Variants in PCDH12 observed in about 807,000 individuals in gnomAD.
PCDH12 encodes the protein protocadherin 12.
PCDH12 carries 45 observed loss-of-function variants against 70.9 expected under a neutral mutation model. That is an observed-to-expected ratio of 0.63 (90% CI 0.50 to 0.81). PCDH12 has a LOEUF of 0.81. Among genes scored for constraint, PCDH12 ranks in the 40% least tolerant of loss-of-function variants. The pLI, the probability that PCDH12 is intolerant of heterozygous loss-of-function variation, is 0.00. For missense variants in PCDH12, 1,370 were observed against 1,491.7 expected (o/e 0.92, Z 1.34); for synonymous variants, 567 against 626.0 (o/e 0.91, Z 1.41).
chr5:141,952,999 T>C (rs1753115002), intron 1 of PCDH12: 1 of 152,214 alleles, frequency 6.6e-6, no homozygotes, highest in Admixed American at 6.5e-5. Context: ...CGGGGTCTTA[T>C]TGCCTGCCTC....
rs373016433 is a variant in PCDH12 at position 141,957,872 on chromosome 5, G to T, written c.-21C>A. ...ATCATGCTTACCGCCAAGTGGGCTA[G>T]ATTCAGAAACCACTAGAGTTCTTTC... On this transcript the variant is annotated 5_prime_UTR_variant, in exon 1 of 4. Transcript: ENST00000231484. The surrounding 1 kb of genome is among the most constrained non-coding windows in gnomAD (Gnocchi z 4.3). The T allele has an allele frequency of 3.8e-6, 6 of 1,586,846 alleles. No individual in the cohort carries two copies. The African/African-American group carries it at 8.0e-5, about 21-fold the overall frequency.
At position 141,949,609 on chromosome 5, in the gene PCDH12, G is replaced by C. The variant is rs944976777; in HGVS notation, c.2979-26C>G. On this transcript the variant is annotated intron_variant, in intron 2 of 3. Transcript: ENST00000231484. ...CTGCAAAAGAAACCAACCAGTCCAT[G>C]GGTAGGGACATTCCCATATAGATTC... 8.1e-6 allele frequency: 13 copies of C among 1,607,962 alleles called. No homozygotes were observed. The African/African-American group carries it at 1.7e-4, about 22-fold the overall frequency.
chr5:141,954,994 G>T lies in PCDH12; in HGVS notation c.2858C>A (p.Thr953Asn), dbSNP rs1753148421. Residue 953 changes from threonine to asparagine, a missense_variant, in exon 1 of 4, where the codon ACT (threonine) becomes AAT (asparagine). Thr to Asn is a moderately conservative substitution (Grantham distance 65). Coordinates refer to ENST00000231484, the MANE Select transcript of PCDH12 (RefSeq NM_016580.4). ...FAERNPVEEL[T>N]VDSPPVQQIS... is the part of the protein sequence containing the mutation. Reference sequence around the variant, plus strand: ...TACCTGAACAGGAGGAGAATCCACAGTGAGCTCCTCCACGGGGTTCCGCTC... The same window carrying T: ...TACCTGAACAGGAGGAGAATCCACATTGAGCTCCTCCACGGGGTTCCGCTC... 1 of 1,613,116 alleles carries T rather than the reference G, an allele frequency of 6.2e-7. No homozygotes were observed. Among genetic ancestry groups the T allele is most frequent in the Non-Finnish European group, 8.5e-7 (1 of 1,179,342 alleles).
At chr5:141,950,663 C>T (rs1466931610) in intron 2 of PCDH12, among the ~76,000 whole-genome samples, 1 of 152,152 alleles carries the variant, frequency 6.6e-6, no homozygotes, top group African/African-American at 2.4e-5. Context: ...CCCTGCAGTA[C>T]ACTACCTCTC....
chr5:141,955,933 C>A lies in PCDH12; in HGVS notation c.1919G>T (p.Ser640Ile), dbSNP rs164515. 2 of 1,614,014 alleles carry A rather than the reference C, an allele frequency of 1.2e-6. No individual in the cohort carries two copies. The highest frequency in any genetic ancestry group is 1.3e-5 in the African/African-American group (1 of 75,022). Reference sequence around the variant, plus strand: ...GATGAAGAGGTGGGCTTCATTTCCACTGCGGATGCTGTAGAGGGGCTCTCC... The same window carrying A: ...GATGAAGAGGTGGGCTTCATTTCCAATGCGGATGCTGTAGAGGGGCTCTCC... ...ANGEPLYSIR[S>I]GNEAHLFILN... Residue 640 changes from serine to isoleucine, a missense_variant, in exon 1 of 4, where the codon AGT becomes ATT. Coordinates refer to ENST00000231484, the MANE Select transcript of PCDH12 (RefSeq NM_016580.4). This position sits in a 1 kb window ranked among gnomAD's most constrained non-coding sequence, Gnocchi z 5.5.
At position 141,956,464 on chromosome 5, in the gene PCDH12, C is replaced by G; in HGVS notation, c.1388G>C (p.Ser463Thr). 2.5e-6 allele frequency: 4 copies of G among 1,614,210 alleles called. No individual in the cohort carries two copies. The highest frequency in any genetic ancestry group is 2.5e-6 in the Non-Finnish European group (3 of 1,180,026). Residue 463 changes from serine to threonine, a missense_variant, in exon 1 of 4, where the codon AGC becomes ACC. Coordinates refer to ENST00000231484, the MANE Select transcript of PCDH12 (RefSeq NM_016580.4). Reference protein sequence around the residue: ...INDNAPVFEKSRYEVSTRENN... With the variant: ...INDNAPVFEKTRYEVSTRENN... ...TTCCCGCGTGGAGACTTCATACCTGCTTTTCTCAAACACAGGTGCATTGTC... is the reference window on the plus strand; with the variant it reads ...TTCCCGCGTGGAGACTTCATACCTGGTTTTCTCAAACACAGGTGCATTGTC...
At chr5:141,953,937 T>C (rs1753132264) in intron 1 of PCDH12, among the ~76,000 whole-genome samples, 1 of 152,156 alleles carries the variant, frequency 6.6e-6, no homozygotes, top group African/African-American at 2.4e-5. Flanking sequence ...TGAAAATATC[T>C]GAGGTTCACA....
At position 141,957,985 on chromosome 5, in the gene PCDH12, A is replaced by G; in HGVS notation, c.-134T>C. ...AGAGCTGCCGGCACAACCTTGTCCC[A>G]TAGTTAGATGATTATGAAACAAGCA... On this transcript the variant is annotated 5_prime_UTR_variant, in exon 1 of 4. It removes an upstream start codon present in the reference 5' UTR. Transcript: ENST00000231484. The surrounding 1 kb of genome is among the most constrained non-coding windows in gnomAD (Gnocchi z 4.3). 4 of 1,006,178 alleles carry G rather than the reference A, an allele frequency of 4.0e-6. No homozygotes were observed. Among genetic ancestry groups the G allele is most frequent in the South Asian group, 3.3e-5 (2 of 60,088 alleles). 62.3% of individuals were successfully genotyped at this position (1,006,178 alleles called of 1,614,324 possible). A position where few individuals can be genotyped will look rare whatever the true frequency, so the allele number is the denominator to read the frequency against.
chr5:141,950,480 G>A (rs970989268), intron 2 of PCDH12, among the ~76,000 whole-genome samples: 17 of 152,174 alleles, frequency 1.1e-4, no homozygotes, highest in Non-Finnish European at 1.0e-4. Flanking sequence ...TCCATGCACC[G>A]TCTTATTCAA....
rs1201308177 is a variant in PCDH12 at position 141,956,590 on chromosome 5, T to G, written c.1262A>C (p.Glu421Ala). 1 of 1,614,228 alleles carries G rather than the reference T, an allele frequency of 6.2e-7. No homozygotes were observed. The highest frequency in any genetic ancestry group is 1.3e-5 in the African/African-American group (1 of 75,068). ...AGTGAGGGTATATTTGGGCCACTGC[T>G]CTCTGTCCAGTGTGGCATTGGTTAG... ...MLLTNATLDREQWPKYTLTLL... is the reference protein window; with the variant it reads ...MLLTNATLDRAQWPKYTLTLL... The change falls in exon 1 of 4, where the codon GAG becomes GCG. Residue 421 changes from glutamate (E) to alanine (A), a missense_variant. By Grantham distance (107) the Glu-to-Ala change is moderately radical (BLOSUM62 -1). Transcript: ENST00000231484.
In PCDH12 at chr5:141,958,047, C is replaced by T. The variant is rs1002433432; in HGVS notation, c.-196G>A. Reference sequence around the variant, plus strand: ...CAAGGCCATCTTCATTGGAAGCGATCTGAGATGTCCAAACGCCGATCAAGA... The same window carrying T: ...CAAGGCCATCTTCATTGGAAGCGATTTGAGATGTCCAAACGCCGATCAAGA... On this transcript the variant is annotated 5_prime_UTR_variant, in exon 1 of 4. Coordinates refer to ENST00000231484, the MANE Select transcript of PCDH12 (RefSeq NM_016580.4). 1 of 629,950 alleles carries T rather than the reference C, an allele frequency of 1.6e-6. No individual in the cohort carries two copies. The highest frequency in any genetic ancestry group is 1.8e-5 in the African/African-American group (1 of 54,472). 39.0% of individuals were successfully genotyped at this position (629,950 alleles called of 1,614,324 possible). A position where few individuals can be genotyped will look rare whatever the true frequency, so the allele number is the denominator to read the frequency against.
chr5:141,955,104 G>A lies in PCDH12; in HGVS notation c.2748C>T (p.Leu916=). The change falls in exon 1 of 4, where the codon CTC becomes CTT. Residue 916 remains leucine (L), a synonymous_variant. Transcript: ENST00000231484. This position sits in a 1 kb window ranked among gnomAD's most constrained non-coding sequence, Gnocchi z 5.5. Reference sequence around the variant, plus strand: ...CTTTCTCAGGGGACACTTTGCCATTGAGATGTCGCTGCCGTCTCAGGGTTG... The same window carrying A: ...CTTTCTCAGGGGACACTTTGCCATTAAGATGTCGCTGCCGTCTCAGGGTTG... The part of the protein sequence containing the change: ...SSATLRRQRH[L]NGKVSPEKES... The A allele has an allele frequency of 6.2e-7, 1 of 1,614,242 alleles. No individual in the cohort carries two copies. Among genetic ancestry groups the A allele is most frequent in the Non-Finnish European group, 8.5e-7 (1 of 1,180,046 alleles).
chr5:141,946,578 C>T (rs915887982), intron 3 of PCDH12, among the ~76,000 whole-genome samples: 3 of 152,178 alleles, frequency 2.0e-5, no homozygotes, highest in South Asian at 2.1e-4. Flanking sequence ...GCACTGTTAC[C>T]ACCTGGCCCC....
intron 2 of PCDH12, 143 bp downstream of exon 2, chr5:141,951,350 G>T: frequency 1.5e-6 from 1 of 648,258 alleles, no homozygotes. Flanking sequence ...CTCCCAGGGT[G>T]GGAGGATGGA....
Position 141,957,449 on chromosome 5 carries a change from A to T in PCDH12, c.403T>A (p.Phe135Ile). The T allele has an allele frequency of 6.2e-7, 1 of 1,612,510 alleles. No individual in the cohort carries two copies. The highest frequency in any genetic ancestry group is 8.5e-7 in the Non-Finnish European group (1 of 1,179,248). ...TCCAGCTCCTGCTCGCCTTTGGGAA[A>T]CCGTGGCTGGTGGTCATTGATGTCC... ...VLDINDHQPRFPKGEQELEIS... is the reference protein window; with the variant it reads ...VLDINDHQPRIPKGEQELEIS... The change falls in exon 1 of 4, where the codon TTT becomes ATT. Residue 135 changes from phenylalanine (F) to isoleucine (I), a missense_variant. By Grantham distance (21) the Phe-to-Ile change is conservative. Transcript: ENST00000231484. This position sits in a 1 kb window ranked among gnomAD's most constrained non-coding sequence, Gnocchi z 4.3.
chr5:141,945,508 C>T lies in PCDH12; in HGVS notation c.3428G>A (p.Gly1143Glu), dbSNP rs758940566. 1.2e-6 allele frequency: 2 copies of T among 1,613,636 alleles called. No individual in the cohort carries two copies. Among genetic ancestry groups the T allele is most frequent in the Non-Finnish European group, 1.7e-6 (2 of 1,179,858 alleles). The change falls in exon 4 of 4, where the codon GGG (glycine) becomes GAG (glutamate). Residue 1143 changes from glycine (G) to glutamate (E), a missense_variant. By Grantham distance (98) the Gly-to-Glu change is moderately conservative. Coordinates refer to ENST00000231484, the MANE Select transcript of PCDH12 (RefSeq NM_016580.4). Reference sequence around the variant, plus strand: ...GGCCAAGTCTAAACTGAGGGTCCTCCCGCAGACCGAGAGCCGCCGCAGCGC... The same window carrying T: ...GGCCAAGTCTAAACTGAGGGTCCTCTCGCAGACCGAGAGCCGCCGCAGCGC... Reference protein sequence around the residue: ...SEALRRLSVCGRTLSLDLATS... With the variant: ...SEALRRLSVCERTLSLDLATS...
intron 1 of PCDH12, among the ~76,000 whole-genome samples, chr5:141,952,161 G>C (rs778296928): frequency 1.3e-5 from 2 of 152,138 alleles, no homozygotes; most frequent in South Asian, 4.1e-4. Context: ...TGCCCTCAGC[G>C]TGGTCACATC....
At position 141,955,383 on chromosome 5, in the gene PCDH12, G is replaced by A. The variant is rs1274132371; in HGVS notation, c.2469C>T (p.Tyr823=). The A allele has an allele frequency of 1.9e-6, 3 of 1,614,022 alleles. No individual in the cohort carries two copies. The highest frequency in any genetic ancestry group is 2.5e-6 in the Non-Finnish European group (3 of 1,180,022). ...QAPFHLTPTL[Y]RTLRNQGNQG... ...GGTTGCCTTGATTACGCAGCGTCCT[G>A]TACAGGGTCGGGGTGAGGTGGAAGG... The change falls in exon 1 of 4, where the codon TAC becomes TAT. Residue 823 remains tyrosine, a synonymous_variant. Transcript: ENST00000231484. This position sits in a 1 kb window ranked among gnomAD's most constrained non-coding sequence, Gnocchi z 5.5.
intron 3 of PCDH12, among the ~76,000 whole-genome samples, chr5:141,947,975 T>G (rs1189533314): frequency 6.6e-6 from 1 of 152,238 alleles, no homozygotes; most frequent in Non-Finnish European, 1.5e-5. Flanking sequence ...TCCAAAGCTA[T>G]ATCCCCCAGC....
Sources: allele counts gnomAD v4.1 joint callset (sites outside exome capture counted in the v4.1 genomes callset), GRCh38; gene constraint gnomAD v4.1.1; non-coding constraint Gnocchi (gnomAD v3.1); transcripts MANE v1.5; gene names NCBI Gene and HGNC (gene_info 2026-07-23, HGNC 2026-07-21).